The following EPS15 variants were observed in gnomAD, a reference collection of about 807,000 sequenced individuals.
EPS15 encodes the protein epidermal growth factor receptor pathway substrate 15, also known as epidermal growth factor receptor substrate 15.
In EPS15, 72 loss-of-function variants were observed where a neutral mutation model predicts 113.8. The observed-to-expected ratio is 0.63, with a 90% CI of 0.52 to 0.77. The LOEUF (loss-of-function observed/expected upper bound fraction) is 0.77. EPS15 is among the 30% of genes least tolerant of loss of function. The probability of loss-of-function intolerance (pLI) is 0.00; values close to 1 mark genes in which losing one functional copy is unlikely to be tolerated. For missense variants in EPS15, 1,048 were observed against 1,045.8 expected (o/e 1.00, Z -0.03); for synonymous variants, 344 against 363.4 (o/e 0.95, Z 0.61).
chr1:51,419,469 T>A (rs1398482304), intron 13 of EPS15, among the ~76,000 whole-genome samples: 2 of 152,132 alleles, frequency 1.3e-5, no homozygotes, highest in African/African-American at 4.8e-5. Context: ...TGAGCTCATA[T>A]TATCACTGTG....
intron 10 of EPS15, among the ~76,000 whole-genome samples, chr1:51,446,695 T>A (rs914869041): frequency 6.6e-6 from 1 of 152,160 alleles, no homozygotes; most frequent in Admixed American, 6.6e-5. Flanking sequence ...CCTCAGGTGA[T>A]CCACCCACCT....
In EPS15 at chr1:51,444,974, CTGAT is replaced by C. The variant is rs1652892327; in HGVS notation, c.865_868del (p.Ile289ValfsTer4). 1 of 1,613,974 alleles carries C rather than the reference CTGAT, an allele frequency of 6.2e-7. No homozygotes were observed. Among genetic ancestry groups the C allele is most frequent in the African/African-American group, 1.3e-5 (1 of 75,022 alleles). On this transcript the variant is annotated frameshift_variant, in exon 11 of 25. Transcript: ENST00000371733. LOFTEE classifies it high-confidence loss of function. Reference sequence around the variant, plus strand: ...ATCAATGCCCTTGATTAACTTCTGACTGATTAAGTGAAAAGCCAAGGCAAACTGA... The same window carrying C: ...ATCAATGCCCTTGATTAACTTCTGACTAAGTGAAAAGCCAAGGCAAACTGA...
At chr1:51,511,989 G>A (rs74082604) in intron 1 of EPS15, among the ~76,000 whole-genome samples, 148 of 152,260 alleles carry the variant, frequency 9.7e-4, no homozygotes, top group African/African-American at 3.3e-3. Context: ...TTTAAAAAGA[G>A]CCCAACTTTT....
chr1:51,479,604 G>A (rs1179968006), intron 2 of EPS15, among the ~76,000 whole-genome samples: 1 of 152,052 alleles, frequency 6.6e-6, no homozygotes, highest in Non-Finnish European at 1.5e-5. Flanking sequence ...GATTCTCACT[G>A]ACTCCTCAGA....
intron 12 of EPS15, among the ~76,000 whole-genome samples, chr1:51,424,698 G>A (rs1452838967): frequency 6.6e-6 from 1 of 152,058 alleles, no homozygotes; most frequent in African/African-American, 2.4e-5. Flanking sequence ...GAGGTGAGGA[G>A]TTCGAGACCA....
chr1:51,394,287 A>G (rs2148405775), intron 21 of EPS15, 94 bp downstream of exon 21: 1 of 727,672 alleles, frequency 1.4e-6, no homozygotes, highest in South Asian at 2.2e-5. Context: ...TTTTAAAGCT[A>G]TAAATAACAG....
chr1:51,385,811 A>T (rs1466880235), intron 21 of EPS15, among the ~76,000 whole-genome samples: 1 of 152,036 alleles, frequency 6.6e-6, no homozygotes, highest in Non-Finnish European at 1.5e-5. Context: ...CAAAATATGA[A>T]TTTTTTTTAT....
chr1:51,450,189 C>G (rs1653424620), intron 8 of EPS15, among the ~76,000 whole-genome samples: 1 of 151,748 alleles, frequency 6.6e-6, no homozygotes, highest in African/African-American at 2.4e-5. Flanking sequence ...AACTGCTACC[C>G]TGCAGGAGCC....
At chr1:51,433,967 C>T (rs1651938970) in intron 12 of EPS15, among the ~76,000 whole-genome samples, 1 of 152,340 alleles carries the variant, frequency 6.6e-6, no homozygotes, top group Admixed American at 6.5e-5. Flanking sequence ...CCAAGAACTT[C>T]TCTAACTGAG....
intron 12 of EPS15, among the ~76,000 whole-genome samples, chr1:51,433,113 T>C (rs942219567): frequency 7.9e-5 from 12 of 152,202 alleles, no homozygotes; most frequent in Non-Finnish European, 1.8e-4. Flanking sequence ...AAAAAATCGG[T>C]TCTTGAATAT....
At chr1:51,384,765 C>G (rs1322842033) in intron 21 of EPS15, among the ~76,000 whole-genome samples, 1 of 152,100 alleles carries the variant, frequency 6.6e-6, no homozygotes, top group Non-Finnish European at 1.5e-5. Context: ...ATCAATGGAA[C>G]AGAATACAGA....
At chr1:51,469,667 T>C (rs1655104696) in intron 4 of EPS15, among the ~76,000 whole-genome samples, 1 of 152,114 alleles carries the variant, frequency 6.6e-6, no homozygotes, top group Non-Finnish European at 1.5e-5. Context: ...TCATAACCCA[T>C]TCTTATCACC....
chr1:51,483,607 A>G (rs955549738), intron 1 of EPS15, among the ~76,000 whole-genome samples: 3 of 152,066 alleles, frequency 2.0e-5, no homozygotes, highest in African/African-American at 7.2e-5. Flanking sequence ...GGAGATCAAG[A>G]CCATCTTGGC....
At chr1:51,504,977 C>T (rs35017216) in intron 1 of EPS15, among the ~76,000 whole-genome samples, 8,795 of 152,022 alleles carry the variant, frequency 0.058, 342 homozygotes, top group Non-Finnish European at 0.086. Context: ...AAAAATTAGC[C>T]GGGTGTGGTG....
intron 13 of EPS15, among the ~76,000 whole-genome samples, chr1:51,420,134 C>T (rs1417482291): frequency 1.1e-4 from 17 of 152,248 alleles, no homozygotes; most frequent in Non-Finnish European, 1.5e-5. Context: ...GCCAATCACA[C>T]ATTTTGGATT....
intron 8 of EPS15, among the ~76,000 whole-genome samples, chr1:51,459,444 C>G (rs1248464352): frequency 6.6e-6 from 1 of 151,854 alleles, no homozygotes; most frequent in African/African-American, 2.4e-5. Context: ...TGCAGTGAGC[C>G]AAGATTGCGC....
intron 4 of EPS15, among the ~76,000 whole-genome samples, chr1:51,470,052 C>G (rs1655128176): frequency 6.6e-6 from 1 of 152,158 alleles, no homozygotes; most frequent in Non-Finnish European, 1.5e-5. Flanking sequence ...TAACATGACC[C>G]TCTTTCTTTT....
At chr1:51,405,064 A>C (rs141364137) in intron 16 of EPS15, among the ~76,000 whole-genome samples, 1 of 152,190 alleles carries the variant, frequency 6.6e-6, no homozygotes, top group African/African-American at 2.4e-5. Flanking sequence ...ACCACTTCTC[A>C]CTTGTCTAAA....
intron 21 of EPS15, among the ~76,000 whole-genome samples, chr1:51,381,675 G>A (rs565583303): frequency 3.5e-4 from 53 of 152,084 alleles, no homozygotes; most frequent in African/African-American, 1.2e-3. Context: ...AAAACTAGAC[G>A]ACCTACAAAT....
Sources: allele counts gnomAD v4.1 joint callset (sites outside exome capture counted in the v4.1 genomes callset), GRCh38; gene constraint gnomAD v4.1.1; transcripts MANE v1.5; gene names NCBI Gene and HGNC (gene_info 2026-07-23, HGNC 2026-07-21).